Variants in RTN4 observed in about 807,000 individuals in gnomAD.
The protein encoded by RTN4 is reticulon 4, also known as reticulon-4.
In RTN4, 32 loss-of-function variants were observed where a neutral mutation model predicts 90.4. The ratio of observed to expected loss-of-function variants is 0.35; its 90% CI spans 0.27 to 0.48. The LOEUF (loss-of-function observed/expected upper bound fraction) is 0.48, where lower values mean the gene tolerates loss of function less well. RTN4 is among the 20% of genes least tolerant of loss of function. The pLI, the probability that RTN4 is intolerant of heterozygous loss-of-function variation, is 0.99. For missense variants in RTN4, 1,706 were observed against 1,430.2 expected (o/e 1.19, Z -3.11); for synonymous variants, 629 against 552.5 (o/e 1.14, Z -1.94).
At chr2:55,135,335 G>A in the RTN4 span, among the ~76,000 whole-genome samples, 16 of 151,318 alleles carry the variant, frequency 1.1e-4, no homozygotes, top group African/African-American at 2.9e-4. Context: ...AGCCTCCTGA[G>A]TAGCTCGATT....
intron 2 of RTN4, among the ~76,000 whole-genome samples, chr2:55,075,316 C>A (rs369812138): frequency 1.3e-3 from 196 of 152,272 alleles, no homozygotes; most frequent in African/African-American, 4.4e-3. Context: ...AGAACTCAAC[C>A]CCTTTTACAA....
the RTN4 span, among the ~76,000 whole-genome samples, chr2:55,132,398 G>A: frequency 1.3e-5 from 2 of 151,888 alleles, no homozygotes; most frequent in Non-Finnish European, 2.9e-5. Context: ...AGGTACTCTG[G>A]AGTCTGAGGC....
intron 3 of RTN4, among the ~76,000 whole-genome samples, chr2:55,007,288 T>C (rs936158124): frequency 1.4e-4 from 22 of 152,130 alleles, no homozygotes; most frequent in African/African-American, 4.8e-4. Flanking sequence ...ACTTTAAATC[T>C]GGGCACAACT....
intron 2 of RTN4, among the ~76,000 whole-genome samples, chr2:55,064,366 T>TTTTTTTTA (rs1668354263): frequency 6.7e-6 from 1 of 150,074 alleles, no homozygotes; most frequent in Non-Finnish European, 1.5e-5. Flanking sequence ...TTTTTTTTTT[T>TTTTTTTTA]GAGACAGAGT....
At chr2:55,104,411 G>A (rs753275268) in intron 1 of RTN4, among the ~76,000 whole-genome samples, 13 of 151,416 alleles carry the variant, frequency 8.6e-5, no homozygotes, top group East Asian at 2.0e-4. Flanking sequence ...GGAGTGCAGC[G>A]TTGCGATCTC....
At chr2:55,074,300 G>C (rs774442287) in intron 2 of RTN4, among the ~76,000 whole-genome samples, 6 of 152,118 alleles carry the variant, frequency 3.9e-5, no homozygotes, top group Non-Finnish European at 8.8e-5. Flanking sequence ...CCAGGAGTTT[G>C]AGGCCAGCCT....
At chr2:55,022,444 T>C (rs1376534629) in intron 3 of RTN4, among the ~76,000 whole-genome samples, 1 of 152,206 alleles carries the variant, frequency 6.6e-6, no homozygotes, top group African/African-American at 2.4e-5. Context: ...TTGAAGATAC[T>C]GGTTTCCCTG....
rs545642776 is a variant in RTN4, at chr2:55,009,225, G to A, written c.3013+15861C>T. ...TGTAGCCAGGAAAAAAATTGCTTAC[G>A]TAGAATGTCTATTTTGGACTACTTA... On this transcript the variant is annotated intron_variant, in intron 3 of 8. Transcript: ENST00000337526. Among the ~76,000 whole-genome samples the A allele has an allele frequency of 9.2e-5, 14 of 152,012 alleles. No homozygotes were observed. The South Asian group carries it at 1.2e-3, about 14-fold the overall frequency.
Position 55,049,899 on chromosome 2 carries a change from A to G in RTN4, c.402T>C (p.Pro134=). ...SAAAVSPSKL[P]EDDEPPARPP... ...GCCGGGCCGGAGGCTCGTCGTCCTC[A>G]GGGAGCTTGGAGGGCGAGACTGCGG... Residue 134 remains proline (P), a synonymous_variant, in exon 1 of 9, where the codon CCT becomes CCC. Coordinates refer to ENST00000337526, the MANE Select transcript of RTN4 (RefSeq NM_020532.5). 9.8e-6 allele frequency: 13 copies of G among 1,328,844 alleles called. No homozygotes were observed. The highest frequency in any genetic ancestry group is 1.2e-5 in the Non-Finnish European group (13 of 1,044,770). 82.3% of individuals were successfully genotyped at this position (1,328,844 alleles called of 1,614,324 possible).
chr2:55,071,684 A>G (rs932521276), intron 2 of RTN4, among the ~76,000 whole-genome samples: 3 of 152,086 alleles, frequency 2.0e-5, no homozygotes, highest in Non-Finnish European at 4.4e-5. Context: ...TTAGCAAACC[A>G]TAGCCCATAC....
At chr2:55,005,299 G>C (rs1308926204) in intron 3 of RTN4, among the ~76,000 whole-genome samples, 1 of 152,158 alleles carries the variant, frequency 6.6e-6, no homozygotes, top group Non-Finnish European at 1.5e-5. Context: ...GTAAGGATGA[G>C]GAGTACACAG....
chr2:55,049,906 T>C lies in RTN4; in HGVS notation c.395A>G (p.Lys132Arg). Residue 132 changes from lysine to arginine, a missense_variant, in exon 1 of 9, where the codon AAG becomes AGG. Physicochemically the swap from Lys to Arg is conservative, Grantham distance 26 (BLOSUM62 2). Coordinates refer to ENST00000337526, the MANE Select transcript of RTN4 (RefSeq NM_020532.5). ...CGGAGGCTCGTCGTCCTCAGGGAGC[T>C]TGGAGGGCGAGACTGCGGCAGCAGA... is the stretch of plus-strand genomic sequence containing the variant. ...PLSAAAVSPSKLPEDDEPPAR... is the reference protein window; with the variant it reads ...PLSAAAVSPSRLPEDDEPPAR... 7.5e-7 allele frequency: 1 copy of C among 1,329,378 alleles called. No homozygotes were observed. The highest frequency in any genetic ancestry group is 2.0e-5 in the South Asian group (1 of 50,684). The allele number at this position is 1,329,378 out of a possible 1,614,324, so 82.3% of individuals were successfully genotyped here. A position where few individuals can be genotyped will look rare whatever the true frequency, so the allele number is the denominator to read the frequency against.
chr2:54,990,164 CA>C (rs1459312722), intron 3 of RTN4, among the ~76,000 whole-genome samples: 1 of 152,096 alleles, frequency 6.6e-6, no homozygotes, highest in African/African-American at 2.4e-5. Flanking sequence ...TAGGAATGAA[CA>C]AAAGGCATAA....
At chr2:55,125,647 T>C in the RTN4 span, among the ~76,000 whole-genome samples, 1 of 152,098 alleles carries the variant, frequency 6.6e-6, no homozygotes, top group Non-Finnish European at 1.5e-5. Context: ...ATGCCTGTAA[T>C]TCCAGCTACT....
chr2:55,132,931 G>A, the RTN4 span, among the ~76,000 whole-genome samples: 1 of 150,858 alleles, frequency 6.6e-6, no homozygotes, highest in Non-Finnish European at 1.5e-5. Context: ...AAAAAACATG[G>A]CCGGGTGTGG....
chr2:54,975,208 A>T (rs1421783588), intron 5 of RTN4, among the ~76,000 whole-genome samples: 1 of 152,248 alleles, frequency 6.6e-6, no homozygotes, highest in Non-Finnish European at 1.5e-5. Flanking sequence ...TAATTGGGCA[A>T]AGAGTACTTA....
At chr2:55,122,432 T>G in the RTN4 span, among the ~76,000 whole-genome samples, 2 of 152,202 alleles carry the variant, frequency 1.3e-5, no homozygotes, top group Non-Finnish European at 2.9e-5. Flanking sequence ...CTGCAACCTG[T>G]GTAGTCATTT....
chr2:55,040,853 T>A (rs1204434280), intron 1 of RTN4, among the ~76,000 whole-genome samples: 1 of 151,944 alleles, frequency 6.6e-6, no homozygotes, highest in African/African-American at 2.4e-5. Context: ...AGACCACCAA[T>A]ATAAGCAGCA....
At chr2:54,985,720 A>G (rs969530194) in intron 4 of RTN4, among the ~76,000 whole-genome samples, 5 of 152,208 alleles carry the variant, frequency 3.3e-5, no homozygotes, top group Non-Finnish European at 5.9e-5. Context: ...AATAAACAAA[A>G]TAATTCAGTA....
Sources: gnomAD v4.1 joint callset for allele counts (sites outside exome capture counted in the v4.1 genomes callset) on GRCh38, gnomAD v4.1.1 for gene constraint, MANE v1.5 for transcripts, NCBI Gene and HGNC (gene_info 2026-07-23, HGNC 2026-07-21) for gene names.